The following DMTF1 variants were observed in gnomAD, a reference collection of about 807,000 sequenced individuals.
DMTF1 encodes the protein cyclin-D-binding Myb-like transcription factor 1.
DMTF1 carries 39 observed loss-of-function variants against 91.1 expected under a neutral mutation model. That is an observed-to-expected ratio of 0.43 (90% CI 0.33 to 0.56). The LOEUF (loss-of-function observed/expected upper bound fraction) is 0.56, where lower values mean the gene tolerates loss of function less well. Among genes scored for constraint, DMTF1 ranks in the 20% least tolerant of loss-of-function variants. The pLI is 0.05. For synonymous variants in DMTF1, 338 were observed against 309.5 expected, an observed-to-expected ratio of 1.09 and a Z score of -0.97; for missense variants, 750 against 914.5, an observed-to-expected ratio of 0.82 and a Z score of 2.32.
chr7:87,196,166 A>ATAAAT lies in DMTF1; in HGVS notation c.*1029_*1033dup, dbSNP rs1801183905. On this transcript the variant is annotated 3_prime_UTR_variant, in exon 18 of 18. Transcript: ENST00000331242. ...AAAGTCAAGAAAAAAAAACCCTTGT[A>ATAAAT]TAAATTATTTTATTTATTATTGTAA... The ATAAAT allele has an allele frequency of 6.5e-6, 1 of 153,548 alleles. No individual in the cohort carries two copies. The highest frequency in any genetic ancestry group is 1.5e-5 in the Non-Finnish European group (1 of 68,806). 9.5% of individuals were successfully genotyped at this position (153,548 alleles called of 1,614,324 possible).
intron 16 of DMTF1, chr7:87,194,304 C>A: frequency 1.8e-6 from 1 of 566,652 alleles, no homozygotes; most frequent in Non-Finnish European, 3.0e-6. Flanking sequence ...TTCTATCTTA[C>A]CACAGTTCCT....
Position 87,173,419 on chromosome 7 carries a change from A to G in DMTF1, c.328-116A>G, listed in dbSNP as rs1795555043. 1.9e-5 allele frequency: 10 copies of G among 514,836 alleles called. 1 individual carries two copies. The highest frequency in any genetic ancestry group is 1.0e-3 in the Middle Eastern group (2 of 1,922). 31.9% of individuals were successfully genotyped at this position (514,836 alleles called of 1,614,324 possible). The stretch of plus-strand genomic sequence containing the variant: ...TAAAACAAGTGAATTCCATATGACT[A>G]TATTTAAGTTTTATAATGCTTAGCA... On this transcript the variant is annotated intron_variant, in intron 5 of 17. Transcript: ENST00000331242.
intron 12 of DMTF1, 89 bp from the exon 13 acceptor site, chr7:87,188,003 C>T: frequency 2.1e-6 from 2 of 948,948 alleles, no homozygotes; most frequent in Non-Finnish European, 3.4e-6. Flanking sequence ...CAAATACTTT[C>T]CCTCCTTACC....
At chr7:87,166,442 C>T in intron 3 of DMTF1, 41 bp from the exon 4 acceptor site, 1 of 1,581,056 alleles carries the variant, frequency 6.3e-7, no homozygotes, top group Non-Finnish European at 8.6e-7. Flanking sequence ...TATTTTCCCT[C>T]TTTGGTTTGA....
rs540230068 is a variant in DMTF1, at chr7:87,190,470, T to C, written c.1412-475T>C. Among the ~76,000 whole-genome samples, 5 of 152,212 alleles carry C rather than the reference T, an allele frequency of 3.3e-5. No individual in the cohort carries two copies. In the South Asian group the frequency reaches 8.3e-4, roughly 25 times the overall value. On this transcript the variant is annotated intron_variant, in intron 13 of 17. Coordinates refer to ENST00000331242, the MANE Select transcript of DMTF1 (RefSeq NM_001142327.2). Reference sequence around the variant, plus strand: ...TAGTTTTTACCAAGTTCCTGTCTTTTTGCAGGTTGGTCTTAGTGTGTTCCT... The same window carrying C: ...TAGTTTTTACCAAGTTCCTGTCTTTCTGCAGGTTGGTCTTAGTGTGTTCCT...
At chr7:87,193,122 TA>T in intron 14 of DMTF1, 75 bp from the exon 15 acceptor site, 1 of 1,506,478 alleles carries the variant, frequency 6.6e-7, no homozygotes, top group Non-Finnish European at 9.1e-7. Flanking sequence ...TTGTGTCTAG[TA>T]AACTAAACTC....
chr7:87,176,657 G>A (rs185872951), intron 7 of DMTF1, among the ~76,000 whole-genome samples: 2 of 152,278 alleles, frequency 1.3e-5, no homozygotes, highest in African/African-American at 4.8e-5. Flanking sequence ...AGAAGGAAAA[G>A]GAGTTAGAGC....
intron 3 of DMTF1, 84 bp downstream of exon 3, chr7:87,165,134 G>A (rs1793516398): frequency 2.4e-6 from 2 of 822,738 alleles, no homozygotes; most frequent in Admixed American, 2.5e-5. Context: ...CCCAAATAGG[G>A]GTCTAGGTGC....
Position 87,166,657 on chromosome 7 carries a change from T to C in DMTF1, c.232+52T>C, listed in dbSNP as rs777922252. The stretch of plus-strand genomic sequence containing the variant: ...AGAGTTCCCTTTTAAAATCAAAGTT[T>C]AGCTTCCAAGGCTTTCAGTTGGCAT... On this transcript the variant is annotated intron_variant, in intron 4 of 17. Transcript: ENST00000331242. 19 of 1,578,174 alleles carry C rather than the reference T, an allele frequency of 1.2e-5. No homozygotes were observed. The African/African-American group carries it at 2.2e-4, about 18-fold the overall frequency.
At chr7:87,154,457 C>CT (rs749609934) in intron 1 of DMTF1, 2 of 152,616 alleles carry the variant, frequency 1.3e-5, no homozygotes, top group African/African-American at 2.4e-5. Flanking sequence ...GCGTGAATCT[C>CT]TTTAATTGGT....
At chr7:87,174,310 T>G (rs959429970) in intron 6 of DMTF1, among the ~76,000 whole-genome samples, 3 of 151,850 alleles carry the variant, frequency 2.0e-5, no homozygotes, top group Non-Finnish European at 4.4e-5. Flanking sequence ...TAAGTTTCTT[T>G]TTAGCTGTTC....
chr7:87,180,499 AG>A (rs1293116377), intron 8 of DMTF1, among the ~76,000 whole-genome samples: 1 of 152,258 alleles, frequency 6.6e-6, no homozygotes, highest in African/African-American at 2.4e-5. Context: ...AACATTACAT[AG>A]GCTGTATTGA....
intron 1 of DMTF1, among the ~76,000 whole-genome samples, chr7:87,155,079 T>C (rs1790323934): frequency 1.3e-5 from 2 of 152,344 alleles, no homozygotes; most frequent in South Asian, 4.1e-4. Flanking sequence ...AATTAACACC[T>C]GTGAGGATGA....
chr7:87,166,429 T>A (rs1193996694), intron 3 of DMTF1, 54 bp from the exon 4 acceptor site: 2 of 1,564,610 alleles, frequency 1.3e-6, no homozygotes, highest in African/African-American at 2.8e-5. Flanking sequence ...TTGTTAGAGA[T>A]TTTATTTTCC....
intron 4 of DMTF1, among the ~76,000 whole-genome samples, chr7:87,170,114 T>C (rs576658814): frequency 6.6e-6 from 1 of 152,196 alleles, no homozygotes; most frequent in Non-Finnish European, 1.5e-5. Context: ...TCCAGTAGTT[T>C]TGATTTTTTT....
chr7:87,183,343 C>CA (rs1797759016), intron 10 of DMTF1, among the ~76,000 whole-genome samples: 2 of 152,162 alleles, frequency 1.3e-5, no homozygotes, highest in African/African-American at 4.8e-5. Flanking sequence ...GCTGTGAGTA[C>CA]AGAACCCCTT....
intron 11 of DMTF1, among the ~76,000 whole-genome samples, 157 bp from the exon 12 acceptor site, chr7:87,185,663 GCAGATCTGC>G (rs2129165345): frequency 6.6e-6 from 1 of 152,286 alleles, no homozygotes; most frequent in African/African-American, 2.4e-5. Flanking sequence ...AGCTCTGAAA[GCAGATCTGC>G]ACTCCTGGAA....
chr7:87,183,402 C>G (rs1797779813), intron 10 of DMTF1, among the ~76,000 whole-genome samples: 1 of 152,162 alleles, frequency 6.6e-6, no homozygotes, highest in African/African-American at 2.4e-5. Context: ...GATTGCCAAC[C>G]TGAGGGATTG....
Position 87,191,039 on chromosome 7 carries a change from T to C in DMTF1, c.1494+12T>C. 6.5e-7 allele frequency: 1 copy of C among 1,532,916 alleles called. No homozygotes were observed. The highest frequency in any genetic ancestry group is 9.0e-7 in the Non-Finnish European group (1 of 1,115,268). 95.0% of individuals were successfully genotyped at this position (1,532,916 alleles called of 1,614,324 possible). ...TTGAGATTCTTCCCGTGAGTAACGC[T>C]TCATATATATTGGCCATTTTTATGC... On this transcript the variant is annotated intron_variant, in intron 14 of 17. Transcript: ENST00000331242.
Sources: allele counts gnomAD v4.1 joint callset (sites outside exome capture counted in the v4.1 genomes callset), GRCh38; gene constraint gnomAD v4.1.1; transcripts MANE v1.5; gene names NCBI Gene and HGNC (gene_info 2026-07-23, HGNC 2026-07-21).